The following CNTNAP4 variants were observed in gnomAD, a reference collection of about 807,000 sequenced individuals.
CNTNAP4 encodes contactin-associated protein-like 4.
CNTNAP4 carries 98 observed loss-of-function variants against 148.4 expected under a neutral mutation model. The observed-to-expected ratio is 0.66, with a 90% CI of 0.56 to 0.78. The LOEUF (loss-of-function observed/expected upper bound fraction) is 0.78, where lower values mean the gene tolerates loss of function less well. Ranked by LOEUF, CNTNAP4 falls within the 30% of genes least tolerant of loss-of-function variation. The probability of loss-of-function intolerance (pLI) is 0.00; values close to 1 mark genes in which losing one functional copy is unlikely to be tolerated. For synonymous variants in CNTNAP4, 730 were observed against 565.1 expected (o/e 1.29, Z -4.14); for missense variants, 1,935 against 1,565.6 (o/e 1.24, Z -3.98).
At chr16:76,384,689 T>C (rs1482156614) in intron 3 of CNTNAP4, among the ~76,000 whole-genome samples, 2 of 152,184 alleles carry the variant, frequency 1.3e-5, no homozygotes, top group Non-Finnish European at 2.9e-5. Flanking sequence ...GGCCTTGTTA[T>C]TAGTCATGCT....
At chr16:76,508,643 A>T (rs2082909514) in intron 15 of CNTNAP4, among the ~76,000 whole-genome samples, 1 of 94,810 alleles carries the variant, frequency 1.1e-5, no homozygotes. Context: ...TCACTTTGGA[A>T]CCCTGATAGT....
intron 2 of CNTNAP4, among the ~76,000 whole-genome samples, chr16:76,351,274 G>A (rs1416260224): frequency 6.6e-6 from 1 of 151,944 alleles, no homozygotes; most frequent in African/African-American, 2.4e-5. Context: ...AGGGCTATGC[G>A]GTTTGGCGGT....
intron 9 of CNTNAP4, 92 bp downstream of exon 9, chr16:76,462,197 T>C: frequency 1.2e-5 from 13 of 1,099,614 alleles, no homozygotes; most frequent in Non-Finnish European, 1.5e-5. Context: ...TTAACTAATA[T>C]GAATACTAAG....
intron 21 of CNTNAP4, among the ~76,000 whole-genome samples, chr16:76,552,068 T>C (rs1215174477): frequency 1.3e-5 from 2 of 152,132 alleles, no homozygotes; most frequent in Non-Finnish European, 1.5e-5. Context: ...AAGCAACTTA[T>C]AGGCAGAAAG....
At position 76,469,340 on chromosome 16, in the gene CNTNAP4, G is replaced by T. The variant is rs149550787; in HGVS notation, c.1655+1817G>T. Among the ~76,000 whole-genome samples, 138 of 152,304 alleles carry T rather than the reference G, an allele frequency of 9.1e-4. 1 individual carries two copies. Among genetic ancestry groups the T allele is most frequent in the Admixed American group, 2.6e-3 (40 of 15,302 alleles). ...TCCGTTTGTTGTGAACTTGTCCATA[G>T]TTACAACCTTAACAGCTCTGGAACC... On this transcript the variant is annotated intron_variant, in intron 10 of 23. Transcript: ENST00000611870.
chr16:76,363,011 A>G (rs1416772249), intron 3 of CNTNAP4, among the ~76,000 whole-genome samples: 1 of 151,898 alleles, frequency 6.6e-6, no homozygotes, highest in African/African-American at 2.4e-5. Flanking sequence ...ATTTGAGGCC[A>G]GGAGTTCAAG....
chr16:76,496,880 G>T (rs984676015), intron 14 of CNTNAP4, among the ~76,000 whole-genome samples: 3 of 152,082 alleles, frequency 2.0e-5, no homozygotes, highest in African/African-American at 7.2e-5. Context: ...TTGGCAGAAA[G>T]AAACTTTACA....
chr16:76,294,457 C>T lies in CNTNAP4; in HGVS notation c.85+16710C>T, dbSNP rs16944175. 1.8e-3 allele frequency among the ~76,000 whole-genome samples: 267 copies of T among 152,260 alleles called. 3 individuals carry two copies. Among genetic ancestry groups the T allele is most frequent in the African/African-American group, 6.3e-3 (260 of 41,542 alleles). ...AATTTATCCCCAAGAATTACACTGG[C>T]TGAATATGTTTCATGCTAAATGTAC... is the stretch of plus-strand genomic sequence containing the variant. On this transcript the variant is annotated intron_variant, in intron 1 of 23. Transcript: ENST00000611870.
At chr16:76,324,619 G>A (rs539749110) in intron 2 of CNTNAP4, among the ~76,000 whole-genome samples, 2 of 152,294 alleles carry the variant, frequency 1.3e-5, no homozygotes, top group South Asian at 2.1e-4. Flanking sequence ...GGTGACGGTA[G>A]AGTCTAGCAT....
chr16:76,408,414 A>AGTTGTTAATCTATT (rs1568042003), intron 3 of CNTNAP4, among the ~76,000 whole-genome samples: 3 of 151,780 alleles, frequency 2.0e-5, no homozygotes, highest in South Asian at 2.1e-4. Context: ...AACAATTAAC[A>AGTTGTTAATCTATT]ACCACCACCC....
chr16:76,324,861 A>T (rs72626197), intron 2 of CNTNAP4, among the ~76,000 whole-genome samples: 1 of 152,002 alleles, frequency 6.6e-6, no homozygotes, highest in Admixed American at 6.6e-5. Context: ...CCTCGTGACA[A>T]TGTAAACCTA....
At chr16:76,438,660 G>T (rs1036372830) in intron 4 of CNTNAP4, among the ~76,000 whole-genome samples, 1 of 151,896 alleles carries the variant, frequency 6.6e-6, no homozygotes, top group African/African-American at 2.4e-5. Flanking sequence ...TTTACTTCCC[G>T]CCAGTGCCAT....
chr16:76,280,963 T>G (rs949498760), intron 1 of CNTNAP4, among the ~76,000 whole-genome samples: 1 of 152,140 alleles, frequency 6.6e-6, no homozygotes. Flanking sequence ...GCTCTCTAGT[T>G]ACTGGTATAC....
intron 3 of CNTNAP4, among the ~76,000 whole-genome samples, chr16:76,381,844 A>C (rs2016000397): frequency 6.6e-6 from 1 of 152,108 alleles, no homozygotes; most frequent in Admixed American, 6.6e-5. Context: ...ATGGATCACG[A>C]GATCAGGAGA....
intron 2 of CNTNAP4, among the ~76,000 whole-genome samples, chr16:76,328,771 G>C (rs1165925944): frequency 6.6e-6 from 1 of 152,002 alleles, no homozygotes; most frequent in Non-Finnish European, 1.5e-5. Flanking sequence ...TCAGCCTCCT[G>C]AGTAGCTGGG....
chr16:76,429,827 A>G lies in CNTNAP4; in HGVS notation c.538+2228A>G, dbSNP rs141334436. 4.0e-3 allele frequency among the ~76,000 whole-genome samples: 611 copies of G among 152,306 alleles called. 3 individuals carry two copies. The highest frequency in any genetic ancestry group is 0.014 in the African/African-American group (576 of 41,574). On this transcript the variant is annotated intron_variant, in intron 4 of 23. Transcript: ENST00000611870. The stretch of plus-strand genomic sequence containing the variant: ...AGCATACTGTCCATGTATTTGGTCA[A>G]TATTCTTTTCACATTGACCCATGGT...
chr16:76,446,333 A>AT (rs2080243550), intron 4 of CNTNAP4, among the ~76,000 whole-genome samples: 1 of 152,096 alleles, frequency 6.6e-6, no homozygotes, highest in South Asian at 2.1e-4. Flanking sequence ...ATTTTATTGT[A>AT]TTTTTTGAGC....
rs1442611373 is a variant in CNTNAP4, at chr16:76,507,021, C to G, written c.2365+8327C>G. On this transcript the variant is annotated intron_variant, in intron 15 of 23. Coordinates refer to ENST00000611870, the MANE Select transcript of CNTNAP4 (RefSeq NM_033401.5). ...GGACTGGAGATAGTATTTTGTATAC[C>G]TTTGCTTTTCCCATTCATTTTTCTA... Among the ~76,000 whole-genome samples, 4 of 96,754 alleles carry G rather than the reference C, an allele frequency of 4.1e-5. 1 individual carries two copies. The highest frequency in any genetic ancestry group is 5.2e-5 in the African/African-American group (2 of 38,800). The allele number at this position is 96,754 out of a possible 152,430, so 63.5% of individuals were successfully genotyped here.
intron 21 of CNTNAP4, among the ~76,000 whole-genome samples, chr16:76,548,711 C>T (rs1443108236): frequency 1.3e-5 from 2 of 152,084 alleles, no homozygotes; most frequent in African/African-American, 4.8e-5. Flanking sequence ...CAAGAAACAC[C>T]TAAAACATGA....
Sources: allele counts gnomAD v4.1 joint callset (sites outside exome capture counted in the v4.1 genomes callset), GRCh38; gene constraint gnomAD v4.1.1; transcripts MANE v1.5; gene names NCBI Gene and HGNC (gene_info 2026-07-23, HGNC 2026-07-21).